AR: variants seen among roughly 807,000 people sequenced by gnomAD.
AR encodes dihydrotestosterone receptor.
In AR, 8 loss-of-function variants were observed where a neutral mutation model predicts 53.9. The ratio of observed to expected loss-of-function variants is 0.15; its 90% CI spans 0.09 to 0.27. The LOEUF (loss-of-function observed/expected upper bound fraction) is 0.27. Ranked by LOEUF, AR falls within the 10% of genes least tolerant of loss-of-function variation. AR has a pLI of 1.00. For synonymous variants in AR, 359 were observed against 316.4 expected (o/e 1.13, Z -1.43); for missense variants, 639 against 742.5 (o/e 0.86, Z 1.62).
rs767447925 is a variant in AR at position 67,729,470 on chromosome X, T to C, written c.*5629T>C. 1.1e-5 allele frequency: 2 copies of C among 173,934 alleles called. No individual in the cohort carries two copies. Among genetic ancestry groups the C allele is most frequent in the African/African-American group, 2.9e-5 (1 of 34,039 alleles). The allele number at this position is 173,934 out of a possible 1,213,427, so 14.3% of individuals were successfully genotyped here. A position where few individuals can be genotyped will look rare whatever the true frequency, so the allele number is the denominator to read the frequency against. On this transcript the variant is annotated 3_prime_UTR_variant, in exon 8 of 8. Transcript: ENST00000374690. ...TTTGAATTTAGCAGGTGGAGTTTCA[T>C]AGTAAAAACAGCTTTTGACTCAGCT...
At chrX:67,674,795 A>T (rs1055555652) in intron 2 of AR, among the ~76,000 whole-genome samples, 1 of 111,599 alleles carries the variant, frequency 9.0e-6, no homozygotes, top group African/African-American at 3.3e-5. Context: ...CTCTACACCC[A>T]CTGTGGCAGA....
At chrX:67,682,015 A>C (rs2075937478) in intron 2 of AR, among the ~76,000 whole-genome samples, 1 of 111,929 alleles carries the variant, frequency 8.9e-6, no homozygotes, top group African/African-American at 3.2e-5. Context: ...AATTTGACAA[A>C]ATTCAACATC....
chrX:67,715,201 C>T (rs777181056), intron 4 of AR, among the ~76,000 whole-genome samples: 3 of 111,115 alleles, frequency 2.7e-5, no homozygotes, highest in African/African-American at 9.8e-5. Flanking sequence ...GGTCAACCTC[C>T]CAGGCCTCTT....
chrX:67,576,112 G>A (rs1006680236), intron 1 of AR, among the ~76,000 whole-genome samples: 1 of 110,998 alleles, frequency 9.0e-6, no homozygotes, highest in Non-Finnish European at 1.9e-5. Flanking sequence ...GGGAGACTTC[G>A]AATTTTTGTC....
chrX:67,580,907 T>G (rs1274671347), intron 1 of AR, among the ~76,000 whole-genome samples: 1 of 111,901 alleles, frequency 8.9e-6, no homozygotes, highest in Non-Finnish European at 1.9e-5. Context: ...ACATAGAAGA[T>G]ACTCAGTAAA....
intron 1 of AR, among the ~76,000 whole-genome samples, chrX:67,620,551 T>G (rs1248874296): frequency 9.0e-6 from 1 of 111,366 alleles, no homozygotes; most frequent in East Asian, 2.9e-4. Context: ...AAATGTGATT[T>G]TCTTCATTTT....
At chrX:67,670,570 C>T (rs897448031) in intron 2 of AR, among the ~76,000 whole-genome samples, 1 of 106,357 alleles carries the variant, frequency 9.4e-6, no homozygotes, top group Non-Finnish European at 1.9e-5. Context: ...ATATATAATA[C>T]ATTTATAAAG....
intron 1 of AR, among the ~76,000 whole-genome samples, chrX:67,630,176 C>G (rs1192999315): frequency 9.0e-6 from 1 of 110,677 alleles, no homozygotes. Context: ...GAGCTGAGTT[C>G]AATTCCTGGG....
intron 7 of AR, 42 bp from the exon 8 acceptor site, chrX:67,723,644 C>A (rs2147539860): frequency 8.3e-7 from 1 of 1,204,471 alleles, no homozygotes; most frequent in Non-Finnish European, 1.1e-6. Context: ...GAGGCCACCT[C>A]CTTGTCAACC....
At chrX:67,703,902 T>A (rs2076053711) in intron 3 of AR, among the ~76,000 whole-genome samples, 1 of 111,620 alleles carries the variant, frequency 9.0e-6, no homozygotes, top group African/African-American at 3.3e-5. Context: ...AGTGTTTGGC[T>A]TTTTGTCCTT....
chrX:67,615,609 A>G (rs1464969653), intron 1 of AR, among the ~76,000 whole-genome samples: 1 of 111,922 alleles, frequency 8.9e-6, no homozygotes, highest in Non-Finnish European at 1.9e-5. Context: ...TGCATGAAAA[A>G]AAATTCCAAT....
chrX:67,598,911 C>A (rs1923208799), intron 1 of AR, among the ~76,000 whole-genome samples: 1 of 111,025 alleles, frequency 9.0e-6, no homozygotes, highest in Admixed American at 9.6e-5. Flanking sequence ...ATGGTAGAAT[C>A]TTTGTCCTGA....
chrX:67,640,703 T>C (rs1473892995), intron 1 of AR, among the ~76,000 whole-genome samples: 1 of 111,263 alleles, frequency 9.0e-6, no homozygotes, highest in African/African-American at 3.3e-5. Context: ...GATTCTTCTC[T>C]CTTTTCTTCT....
rs1233351946 is a variant in AR at position 67,545,942 on chromosome X, G to T, written c.796G>T (p.Asp266Tyr). The change falls in exon 1 of 8, where the codon GAT becomes TAT. Residue 266 changes from aspartate to tyrosine, a missense_variant. Asp to Tyr is a radical substitution (Grantham distance 160, BLOSUM62 -3). Coordinates refer to ENST00000374690, the MANE Select transcript of AR (RefSeq NM_000044.6). ...HLSPGEQLRG[D>Y]CMYAPLLGVP... ...GAGTCCAGGGGAACAGCTTCGGGGGGATTGCATGTACGCCCCACTTTTGGG... is the reference window on the plus strand; with the variant it reads ...GAGTCCAGGGGAACAGCTTCGGGGGTATTGCATGTACGCCCCACTTTTGGG... The T allele has an allele frequency of 1.6e-6, 2 of 1,212,263 alleles. No individual in the cohort carries two copies. The highest frequency in any genetic ancestry group is 1.1e-6 in the Non-Finnish European group (1 of 895,593).
chrX:67,597,393 G>A (rs775662530), intron 1 of AR, among the ~76,000 whole-genome samples: 1 of 111,786 alleles, frequency 8.9e-6, no homozygotes, highest in African/African-American at 3.2e-5. Flanking sequence ...CCATGGTCCT[G>A]TTTGGTACCT....
intron 1 of AR, among the ~76,000 whole-genome samples, chrX:67,597,646 T>G (rs1223846931): frequency 8.9e-6 from 1 of 111,805 alleles, no homozygotes; most frequent in East Asian, 2.8e-4. Flanking sequence ...TGCAGAAAAT[T>G]TGGCTCATAC....
At chrX:67,627,548 T>A (rs150972173) in intron 1 of AR, among the ~76,000 whole-genome samples, 1 of 111,376 alleles carries the variant, frequency 9.0e-6, no homozygotes, top group African/African-American at 3.3e-5. Flanking sequence ...GTCAGATGAG[T>A]ACGTTGCGAA....
At chrX:67,629,616 G>GT (rs1476593179) in intron 1 of AR, among the ~76,000 whole-genome samples, 12 of 110,231 alleles carry the variant, frequency 1.1e-4, no homozygotes, top group South Asian at 7.9e-4. Flanking sequence ...TTTTTGAAGG[G>GT]TTTTTTGTGT....
intron 1 of AR, among the ~76,000 whole-genome samples, chrX:67,549,498 TA>T (rs1233526443): frequency 1.8e-5 from 2 of 111,764 alleles, no homozygotes; most frequent in African/African-American, 6.5e-5. Context: ...GAAGGAAAAA[TA>T]AAAAGTGATG....
Sources: allele counts gnomAD v4.1 joint callset (sites outside exome capture counted in the v4.1 genomes callset), GRCh38; gene constraint gnomAD v4.1.1; transcripts MANE v1.5; gene names NCBI Gene and HGNC (gene_info 2026-07-23, HGNC 2026-07-21).